COP1: variants seen among roughly 807,000 people sequenced by gnomAD.
COP1 encodes COP1 E3 ubiquitin ligase.
A neutral mutation model predicts 101.3 loss-of-function variants in COP1; 24 were observed. The ratio of observed to expected loss-of-function variants is 0.24; its 90% CI spans 0.17 to 0.33. The LOEUF (loss-of-function observed/expected upper bound fraction) is 0.33, where lower values mean the gene tolerates loss of function less well. Among genes scored for constraint, COP1 ranks in the 10% least tolerant of loss-of-function variants. The pLI, the probability that COP1 is intolerant of heterozygous loss-of-function variation, is 1.00. For missense variants in COP1, 663 were observed against 906.2 expected, an observed-to-expected ratio of 0.73 and a Z score of 3.45; for synonymous variants, 347 against 341.9, an observed-to-expected ratio of 1.01 and a Z score of -0.17.
At position 176,043,235 on chromosome 1, in the gene COP1, A is replaced by G; in HGVS notation, c.1563T>C (p.Phe521=). 2 of 1,613,138 alleles carry G rather than the reference A, an allele frequency of 1.2e-6. No homozygotes were observed. The highest frequency in any genetic ancestry group is 1.7e-6 in the Non-Finnish European group (2 of 1,179,156). ...EHEKRCWSVD[F]NLMDPKLLAS... ...CCAAGAGTTTAGGATCCATCAAATT[A>G]AAGTCAACACTCCAACACCTCTTCT... is the stretch of plus-strand genomic sequence containing the variant. Residue 521 remains phenylalanine, a synonymous_variant, in exon 14 of 20, where the codon TTT becomes TTC. Transcript: ENST00000367669.
chr1:175,989,473 C>A lies in COP1; in HGVS notation c.1736G>T (p.Cys579Phe). ...GTTACGAAGATCATAGTAGTGGACA[C>A]AGTGATCTAAAACAAAACAAAATTA... Reference protein sequence around the residue: ...YHLAFGCADHCVHYYDLRNTK... With the variant: ...YHLAFGCADHFVHYYDLRNTK... The change falls in exon 16 of 20, where the codon TGT becomes TTT. Residue 579 changes from cysteine to phenylalanine, a missense_variant. By Grantham distance (205) the Cys-to-Phe change is radical. Coordinates refer to ENST00000367669, the MANE Select transcript of COP1 (RefSeq NM_022457.7). 6.5e-7 allele frequency: 1 copy of A among 1,538,002 alleles called. No individual in the cohort carries two copies. The highest frequency in any genetic ancestry group is 1.4e-5 in the African/African-American group (1 of 73,462).
intron 8 of COP1, among the ~76,000 whole-genome samples, chr1:176,130,127 T>A (rs1282293359): frequency 1.3e-5 from 2 of 151,672 alleles, no homozygotes; most frequent in Non-Finnish European, 3.0e-5. Flanking sequence ...TCTAAGTATG[T>A]TTCAATATAA....
intron 15 of COP1, 152 bp from the exon 16 acceptor site, chr1:175,989,631 A>T: frequency 3.5e-6 from 2 of 569,736 alleles, no homozygotes; most frequent in Non-Finnish European, 6.3e-6. Context: ...TCCTTTTCAA[A>T]TATAAGATTG....
intron 6 of COP1, among the ~76,000 whole-genome samples, chr1:176,148,471 T>C (rs1691924939): frequency 6.6e-6 from 1 of 152,072 alleles, no homozygotes. Context: ...AATTTTCCCA[T>C]ATTTTGTATA....
intron 18 of COP1, among the ~76,000 whole-genome samples, chr1:175,967,751 A>T (rs754974120): frequency 6.6e-6 from 1 of 152,260 alleles, no homozygotes; most frequent in African/African-American, 2.4e-5. Flanking sequence ...CACTTTCTTA[A>T]TGAGAAAATC....
At chr1:176,128,181 AAC>A (rs1688336462) in intron 8 of COP1, among the ~76,000 whole-genome samples, 1 of 152,092 alleles carries the variant, frequency 6.6e-6, no homozygotes, top group South Asian at 2.1e-4. Context: ...ATTGGGTTCT[AAC>A]ACAGTGTTTT....
intron 15 of COP1, among the ~76,000 whole-genome samples, chr1:176,023,312 T>G (rs969711198): frequency 6.6e-6 from 1 of 152,168 alleles, no homozygotes; most frequent in Admixed American, 6.5e-5. Flanking sequence ...TACATAATTA[T>G]AGTGGAATGA....
intron 15 of COP1, among the ~76,000 whole-genome samples, chr1:176,009,656 T>C (rs963247172): frequency 6.6e-6 from 1 of 152,156 alleles, no homozygotes; most frequent in African/African-American, 2.4e-5. Context: ...TGGTGACTTA[T>C]TTTCAGCAAA....
intron 15 of COP1, among the ~76,000 whole-genome samples, chr1:175,989,881 T>G (rs1420173051): frequency 6.6e-6 from 1 of 152,148 alleles, no homozygotes; most frequent in Admixed American, 6.5e-5. Context: ...TTTACTAAAT[T>G]TAACCAGCAG....
intron 1 of COP1, 179 bp downstream of exon 1, chr1:176,206,393 A>T: frequency 1.6e-6 from 1 of 635,556 alleles, no homozygotes; most frequent in Non-Finnish European, 2.6e-6. Flanking sequence ...ACATTCCTTC[A>T]CCCCACCAAC....
chr1:176,185,403 T>C (rs1164142449), intron 1 of COP1, among the ~76,000 whole-genome samples: 1 of 152,114 alleles, frequency 6.6e-6, no homozygotes, highest in Non-Finnish European at 1.5e-5. Context: ...TACTTTCTGG[T>C]ACTTTAAATA....
rs1558174486 is a variant in COP1, at chr1:176,133,226, G to GTAGGTACACACA, written c.968+1783_968+1784insTGTGTGTACCTA. ...CGTATGTACACACATACGTATATAC[G>GTAGGTACACACA]TACGTATATGTACGTAGGTACACAC... On this transcript the variant is annotated intron_variant, in intron 8 of 19. Transcript: ENST00000367669. 4.3e-4 allele frequency among the ~76,000 whole-genome samples: 24 copies of GTAGGTACACACA among 55,874 alleles called. 1 individual carries two copies. The highest frequency in any genetic ancestry group is 2.3e-3 in the South Asian group (5 of 2,154). 36.7% of individuals were successfully genotyped at this position (55,874 alleles called of 152,430 possible). A position where few individuals can be genotyped will look rare whatever the true frequency, so the allele number is the denominator to read the frequency against.
At chr1:176,011,186 T>C (rs1664592959) in intron 15 of COP1, among the ~76,000 whole-genome samples, 1 of 152,190 alleles carries the variant, frequency 6.6e-6, no homozygotes, top group Non-Finnish European at 1.5e-5. Flanking sequence ...AATAGTGCTG[T>C]CCAGTACAGT....
intron 6 of COP1, among the ~76,000 whole-genome samples, chr1:176,147,719 C>A (rs1691778169): frequency 6.6e-6 from 1 of 152,114 alleles, no homozygotes; most frequent in African/African-American, 2.4e-5. Context: ...GCTATAAAAT[C>A]AAAGTCAATA....
intron 11 of COP1, among the ~76,000 whole-genome samples, chr1:176,062,038 C>T (rs1472417221): frequency 1.3e-5 from 2 of 152,160 alleles, no homozygotes; most frequent in Non-Finnish European, 2.9e-5. Flanking sequence ...CTCACTCTAT[C>T]GCCCAGGCTG....
intron 3 of COP1, chr1:176,168,861 C>G (rs115518291): frequency 3.0e-3 from 466 of 155,440 alleles, no homozygotes; most frequent in Non-Finnish European, 5.0e-3. Context: ...GTAGTGCTTA[C>G]AGCAGGAAAG....
At chr1:176,132,443 T>C (rs1689030063) in intron 8 of COP1, among the ~76,000 whole-genome samples, 1 of 151,498 alleles carries the variant, frequency 6.6e-6, no homozygotes, top group Non-Finnish European at 1.5e-5. Flanking sequence ...AATGTGTCAT[T>C]AGGCAATTTT....
chr1:176,193,607 T>C (rs889200461), intron 1 of COP1, among the ~76,000 whole-genome samples: 2 of 152,042 alleles, frequency 1.3e-5, no homozygotes, highest in African/African-American at 4.8e-5. Flanking sequence ...TCCCACATAA[T>C]GGAATATTAC....
At chr1:176,189,603 A>G (rs976599309) in intron 1 of COP1, among the ~76,000 whole-genome samples, 3 of 152,020 alleles carry the variant, frequency 2.0e-5, no homozygotes, top group African/African-American at 7.2e-5. Context: ...AAATCCTGCA[A>G]GCAGAAGGAA....
Sources: allele counts gnomAD v4.1 joint callset (sites outside exome capture counted in the v4.1 genomes callset), GRCh38; gene constraint gnomAD v4.1.1; transcripts MANE v1.5; gene names NCBI Gene and HGNC (gene_info 2026-07-23, HGNC 2026-07-21).